KANSL1: variants seen among roughly 807,000 people sequenced by gnomAD.
KANSL1 encodes KAT8 regulatory NSL complex subunit 1, also known as MLL1/MLL complex subunit KANSL1.
In KANSL1, 22 loss-of-function variants were observed where a neutral mutation model predicts 103.6. The ratio of observed to expected loss-of-function variants is 0.21; its 90% CI spans 0.15 to 0.30. The LOEUF is 0.30. KANSL1 is among the 10% of genes least tolerant of loss of function. The pLI, the probability that KANSL1 is intolerant of heterozygous loss-of-function variation, is 1.00. For missense variants in KANSL1, 1,337 were observed against 1,399.8 expected (o/e 0.96, Z 0.72); for synonymous variants, 600 against 527.6 (o/e 1.14, Z -1.88).
intron 2 of KANSL1, among the ~76,000 whole-genome samples, chr17:46,135,677 A>C (rs1469879896): frequency 7.1e-6 from 1 of 141,106 alleles, no homozygotes; most frequent in Non-Finnish European, 1.5e-5. Flanking sequence ...GACTACAGGC[A>C]TGCCCCACCA....
intron 2 of KANSL1, among the ~76,000 whole-genome samples, chr17:46,109,523 A>G (rs1162250361): frequency 6.6e-6 from 1 of 151,998 alleles, no homozygotes; most frequent in Non-Finnish European, 1.5e-5. Context: ...TCCCTCAAAA[A>G]CCACACCCCC....
intron 6 of KANSL1, among the ~76,000 whole-genome samples, chr17:46,062,895 C>CA (rs527541615): frequency 1.3e-3 from 190 of 151,742 alleles, no homozygotes; most frequent in Middle Eastern, 6.8e-3. Flanking sequence ...ACTAAAAATA[C>CA]AAAAAATAGC....
chr17:46,077,861 A>C (rs2146777002), intron 4 of KANSL1, among the ~76,000 whole-genome samples: 1 of 152,272 alleles, frequency 6.6e-6, no homozygotes, highest in Non-Finnish European at 1.5e-5. Context: ...CTCGGCCTAA[A>C]GTTTCATACA....
chr17:46,105,952 C>G (rs955692016), intron 2 of KANSL1, among the ~76,000 whole-genome samples: 1 of 123,580 alleles, frequency 8.1e-6, no homozygotes, highest in Non-Finnish European at 1.8e-5. Flanking sequence ...CACACACCCC[C>G]CCAGAAGGGT....
chr17:46,103,219 T>C (rs1333194169), intron 2 of KANSL1, among the ~76,000 whole-genome samples: 1 of 152,246 alleles, frequency 6.6e-6, no homozygotes, highest in Non-Finnish European at 1.5e-5. Context: ...TGCTCTTTTA[T>C]TTATCTCAGA....
intron 7 of KANSL1, chr17:46,043,862 C>A (rs2146411883): frequency 6.6e-6 from 1 of 152,236 alleles, no homozygotes; most frequent in Middle Eastern, 3.4e-3. Context: ...AGAGCGATTC[C>A]TCTTTAAACC....
chr17:46,072,126 G>C (rs897247061), intron 4 of KANSL1, among the ~76,000 whole-genome samples: 6 of 152,100 alleles, frequency 3.9e-5, no homozygotes, highest in Admixed American at 3.9e-4. Flanking sequence ...GCGTGACAAA[G>C]AGGCCTTGAA....
intron 2 of KANSL1, among the ~76,000 whole-genome samples, chr17:46,113,997 G>T (rs994299543): frequency 9.9e-5 from 15 of 152,134 alleles, no homozygotes; most frequent in African/African-American, 3.4e-4. Flanking sequence ...GGGGCCCAAA[G>T]GATTAAATGA....
At chr17:46,034,476 C>T (rs1385501904) in intron 10 of KANSL1, 191 bp from the exon 11 acceptor site, 2 of 548,130 alleles carry the variant, frequency 3.6e-6, no homozygotes, top group African/African-American at 3.8e-5. Flanking sequence ...GGAGAAATAC[C>T]AGGTGGTCAT....
intron 3 of KANSL1, chr17:46,088,502 A>C (rs1196013534): frequency 2.0e-5 from 3 of 152,252 alleles, no homozygotes; most frequent in African/African-American, 7.2e-5. Flanking sequence ...TCCCTATTCA[A>C]AAGTTTCAAT....
At chr17:46,181,768 T>C (rs1000510234) in intron 1 of KANSL1, among the ~76,000 whole-genome samples, 2 of 152,148 alleles carry the variant, frequency 1.3e-5, no homozygotes, top group African/African-American at 4.8e-5. Flanking sequence ...TTCTTCAAGA[T>C]GAAACTTAAC....
At chr17:46,206,395 A>T (rs2696456) in intron 1 of KANSL1, among the ~76,000 whole-genome samples, 21,943 of 152,176 alleles carry the variant, frequency 0.14, 2,145 homozygotes, top group Non-Finnish European at 0.22. Context: ...AATTGATTTT[A>T]TGACAAAAAT....
rs749206026 is a variant in KANSL1, at chr17:46,171,430, T to A, written c.714A>T (p.Glu238Asp). ...TACTGCTTCCTTGAAGTGCCGGCTG[T>A]TCCATGGAATTGACAGAGGATTTGT... ...TANKSSVNSM[E>D]QPALQGSSRL... The change falls in exon 2 of 15, where the codon GAA becomes GAT. Residue 238 changes from glutamate to aspartate, a missense_variant. Physicochemically the swap from Glu to Asp is conservative, Grantham distance 45. Coordinates refer to ENST00000432791, the MANE Select transcript of KANSL1 (RefSeq NM_015443.4). 1 of 1,614,088 alleles carries A rather than the reference T, an allele frequency of 6.2e-7. No homozygotes were observed. The highest frequency in any genetic ancestry group is 2.2e-5 in the East Asian group (1 of 44,868).
At chr17:46,033,368 C>T (rs1299678477) in intron 12 of KANSL1, 35 bp downstream of exon 12, 1 of 1,601,020 alleles carries the variant, frequency 6.2e-7, no homozygotes, top group Non-Finnish European at 8.6e-7. Flanking sequence ...CATGTGTACA[C>T]ACGTGTTCTT....
At chr17:46,109,112 G>T (rs117754181) in intron 2 of KANSL1, among the ~76,000 whole-genome samples, 1 of 152,062 alleles carries the variant, frequency 6.6e-6, no homozygotes, top group East Asian at 1.9e-4. Context: ...ACCACGCCCA[G>T]CTAATTTTAT....
intron 2 of KANSL1, among the ~76,000 whole-genome samples, chr17:46,166,213 C>CAAAAAAAAA (rs147552413): frequency 7.4e-5 from 7 of 95,080 alleles, no homozygotes; most frequent in Admixed American, 1.1e-4. Flanking sequence ...GACTCTGTCT[C>CAAAAAAAAA]AAAAAAAAAA....
At chr17:46,058,423 A>G (rs2078007931) in intron 6 of KANSL1, among the ~76,000 whole-genome samples, 1 of 152,204 alleles carries the variant, frequency 6.6e-6, no homozygotes, top group African/African-American at 2.4e-5. Flanking sequence ...AATGACAAGG[A>G]ATTTACCTGC....
At chr17:46,069,581 C>T (rs2078502467) in intron 4 of KANSL1, among the ~76,000 whole-genome samples, 1 of 151,918 alleles carries the variant, frequency 6.6e-6, no homozygotes, top group South Asian at 2.1e-4. Flanking sequence ...CCCATTTCTA[C>T]TAAAAATACA....
chr17:46,104,143 G>C (rs1017217964), intron 2 of KANSL1, among the ~76,000 whole-genome samples: 6 of 152,120 alleles, frequency 3.9e-5, no homozygotes, highest in Non-Finnish European at 1.5e-5. Flanking sequence ...ATTGAGATAT[G>C]TTTTAAAATA....
Sources: allele counts gnomAD v4.1 joint callset (sites outside exome capture counted in the v4.1 genomes callset), GRCh38; gene constraint gnomAD v4.1.1; transcripts MANE v1.5; gene names NCBI Gene and HGNC (gene_info 2026-07-23, HGNC 2026-07-21).